Variants in NUP35 observed in about 807,000 individuals in gnomAD.
NUP35 encodes nucleoporin NUP35.
In NUP35, 25 loss-of-function variants were observed where a neutral mutation model predicts 41.5. The ratio of observed to expected loss-of-function variants is 0.60; its 90% CI spans 0.44 to 0.84. The LOEUF (loss-of-function observed/expected upper bound fraction) is 0.84, where lower values mean the gene tolerates loss of function less well. NUP35 is among the 40% of genes least tolerant of loss of function. NUP35 has a pLI of 0.00. For missense variants in NUP35, 396 were observed against 396.6 expected, an observed-to-expected ratio of 1.00 and a Z score of 0.01; for synonymous variants, 149 against 130.7, an observed-to-expected ratio of 1.14 and a Z score of -0.96.
intron 4 of NUP35, among the ~76,000 whole-genome samples, chr2:183,134,877 G>A (rs1336648817): frequency 6.6e-6 from 1 of 151,772 alleles, no homozygotes; most frequent in African/African-American, 2.4e-5. Context: ...ACCCACCTCG[G>A]CCTCCCAAAG....
chr2:183,130,450 C>G lies in NUP35; in HGVS notation c.244C>G (p.His82Asp). ...GSPPQPVVPA[H>D]KDKSGAPPVR... The stretch of plus-strand genomic sequence containing the variant: ...ACCACCACAACCAGTTGTACCAGCT[C>G]ATAAAGATAAAAGTGGCGCTCCACC... Residue 82 changes from histidine (H) to aspartate (D), a missense_variant, in exon 3 of 9, where the codon CAT (histidine) becomes GAT (aspartate). By Grantham distance (81) the His-to-Asp change is moderately conservative. Coordinates refer to ENST00000295119, the MANE Select transcript of NUP35 (RefSeq NM_138285.5). 3 of 1,598,696 alleles carry G rather than the reference C, an allele frequency of 1.9e-6. No individual in the cohort carries two copies. The highest frequency in any genetic ancestry group is 2.6e-6 in the Non-Finnish European group (3 of 1,175,574).
chr2:183,161,027 G>GTT, intron 8 of NUP35, 27 bp from the exon 9 acceptor site: 2 of 1,566,782 alleles, frequency 1.3e-6, no homozygotes, highest in Non-Finnish European at 8.8e-7. Context: ...TAACCTAACC[G>GTT]TTTTTTTTGT....
chr2:183,124,273 G>C, upstream of NUP35: 2 of 1,384,860 alleles, frequency 1.4e-6, no homozygotes, highest in South Asian at 3.5e-5. Context: ...CCTTTCCTCG[G>C]AAATTCTCAG....
chr2:183,149,184 A>G (rs1358415426), intron 4 of NUP35, among the ~76,000 whole-genome samples: 1 of 152,214 alleles, frequency 6.6e-6, no homozygotes, highest in African/African-American at 2.4e-5. Context: ...ATTGACCTGT[A>G]GAACAGTGGT....
rs1685820844 is a variant in NUP35 at position 183,160,135 on chromosome 2, A to G, written c.903+483A>G. 3 of 157,626 alleles carry G rather than the reference A, an allele frequency of 1.9e-5. No individual in the cohort carries two copies. The Admixed American group carries it at 1.9e-4, about 10-fold the overall frequency. The allele number at this position is 157,626 out of a possible 1,614,324, so 9.8% of individuals were successfully genotyped here. A position where few individuals can be genotyped will look rare whatever the true frequency, so the allele number is the denominator to read the frequency against. On this transcript the variant is annotated intron_variant, in intron 8 of 8. Transcript: ENST00000295119. ...TTAATTATGTTCTTTGAAGAATGGT[A>G]GAAGTATTATGATCTCATTCAGTAT... is the stretch of plus-strand genomic sequence containing the variant.
chr2:183,142,204 A>T (rs1408166458), intron 4 of NUP35, among the ~76,000 whole-genome samples: 3 of 151,836 alleles, frequency 2.0e-5, no homozygotes, highest in African/African-American at 7.3e-5. Flanking sequence ...GAACTTTTTC[A>T]TTTGTTTTGC....
At chr2:183,144,032 A>G (rs1356560863) in intron 4 of NUP35, among the ~76,000 whole-genome samples, 2 of 152,246 alleles carry the variant, frequency 1.3e-5, no homozygotes, top group Admixed American at 6.5e-5. Context: ...GGCTGCTTGT[A>G]ATGTTTGGTA....
chr2:183,122,460 G>A (rs767737280), upstream of NUP35, among the ~76,000 whole-genome samples: 2 of 152,010 alleles, frequency 1.3e-5, no homozygotes, highest in African/African-American at 2.4e-5. Flanking sequence ...AAATAAACCC[G>A]TTATTAAATA....
At chr2:183,126,326 T>C (rs1280985448) in intron 1 of NUP35, among the ~76,000 whole-genome samples, 5 of 152,250 alleles carry the variant, frequency 3.3e-5, no homozygotes, top group African/African-American at 9.6e-5. Context: ...TTCTACTGTG[T>C]CTGTATGTAT....
intron 4 of NUP35, among the ~76,000 whole-genome samples, chr2:183,145,364 A>C (rs1258520233): frequency 6.6e-6 from 1 of 152,248 alleles, no homozygotes; most frequent in African/African-American, 2.4e-5. Context: ...TTGAGCATTG[A>C]AAATCTGAAA....
intron 4 of NUP35, among the ~76,000 whole-genome samples, chr2:183,150,618 CT>C (rs1372431351): frequency 6.6e-6 from 1 of 151,806 alleles, no homozygotes; most frequent in African/African-American, 2.4e-5. Context: ...TTTTTTTTCT[CT>C]GTAGGATTTT....
intron 4 of NUP35, among the ~76,000 whole-genome samples, chr2:183,137,497 G>A (rs915846750): frequency 6.6e-6 from 1 of 152,064 alleles, no homozygotes; most frequent in African/African-American, 2.4e-5. Context: ...GGGTTAGGAG[G>A]ATCACTTGAG....
chr2:183,135,049 A>C (rs1684828278), intron 4 of NUP35, among the ~76,000 whole-genome samples: 2 of 152,160 alleles, frequency 1.3e-5, no homozygotes, highest in Non-Finnish European at 2.9e-5. Flanking sequence ...TTCTGTAGTC[A>C]TATCTCCCTC....
chr2:183,130,677 T>C, intron 3 of NUP35, 132 bp downstream of exon 3: 2 of 972,372 alleles, frequency 2.1e-6, no homozygotes, highest in Non-Finnish European at 3.1e-6. Context: ...GAATAAACAT[T>C]AAACACATCA....
intron 3 of NUP35, among the ~76,000 whole-genome samples, chr2:183,133,151 T>C (rs1684753283): frequency 2.0e-5 from 3 of 152,196 alleles, no homozygotes; most frequent in African/African-American, 7.2e-5. Flanking sequence ...GATTTGAATC[T>C]ATAGTGTTTC....
intron 8 of NUP35, 143 bp from the exon 9 acceptor site, chr2:183,160,911 T>A: frequency 1.8e-6 from 1 of 571,076 alleles, no homozygotes. Context: ...TGAAACCCCG[T>A]CTCTACTAAA....
intron 5 of NUP35, among the ~76,000 whole-genome samples, chr2:183,155,549 T>C (rs1334082823): frequency 6.6e-6 from 1 of 151,574 alleles, no homozygotes; most frequent in African/African-American, 2.4e-5. Context: ...TTCTTTTACA[T>C]TTACATTTTT....
intron 5 of NUP35, among the ~76,000 whole-genome samples, chr2:183,154,933 GTA>G (rs1685599675): frequency 6.6e-6 from 1 of 152,180 alleles, no homozygotes; most frequent in African/African-American, 2.4e-5. Flanking sequence ...GAGGCAAAAG[GTA>G]CTTACATAGT....
chr2:183,129,945 T>C (rs1231645574), intron 2 of NUP35, among the ~76,000 whole-genome samples: 2 of 152,208 alleles, frequency 1.3e-5, no homozygotes, highest in Non-Finnish European at 2.9e-5. Context: ...GTGAGAAACA[T>C]GAATGGGATC....
Sources: gnomAD v4.1 joint callset for allele counts (sites outside exome capture counted in the v4.1 genomes callset) on GRCh38, gnomAD v4.1.1 for gene constraint, MANE v1.5 for transcripts, NCBI Gene and HGNC (gene_info 2026-07-23, HGNC 2026-07-21) for gene names.